KCNC4: variants seen among roughly 807,000 people sequenced by gnomAD.
The protein encoded by KCNC4 is voltage-gated potassium channel KCNC4.
In KCNC4, 23 loss-of-function variants were observed where a neutral mutation model predicts 42.8. That is an observed-to-expected ratio of 0.54 (90% CI 0.39 to 0.76). The LOEUF (loss-of-function observed/expected upper bound fraction) is 0.76. Ranked by LOEUF, KCNC4 falls within the 30% of genes least tolerant of loss-of-function variation. The probability of loss-of-function intolerance (pLI) is 0.00; values close to 1 mark genes in which losing one functional copy is unlikely to be tolerated. For missense variants in KCNC4, 751 were observed against 898.2 expected, an observed-to-expected ratio of 0.84 and a Z score of 2.10; for synonymous variants, 422 against 393.5, an observed-to-expected ratio of 1.07 and a Z score of -0.86.
At chr1:110,268,610 GAA>G (rs1177241176) in intron 1 of KCNC4, among the ~76,000 whole-genome samples, 1 of 82,066 alleles carries the variant, frequency 1.2e-5, no homozygotes, top group African/African-American at 4.5e-5. Flanking sequence ...TGTCTCAAAA[GAA>G]AAAAAAAAAA....
intron 1 of KCNC4, among the ~76,000 whole-genome samples, chr1:110,261,086 C>T (rs12145996): frequency 0.26 from 40,271 of 152,126 alleles, 5,853 homozygotes; most frequent in Non-Finnish European, 0.33. Context: ...AAAAATTAAG[C>T]ATCTAGACCA....
At chr1:110,228,096 C>T (rs974728450) in intron 3 of KCNC4, among the ~76,000 whole-genome samples, 3 of 152,180 alleles carry the variant, frequency 2.0e-5, no homozygotes, top group African/African-American at 4.8e-5. Context: ...AATGCACACT[C>T]GGCAACTTTC....
In KCNC4 at chr1:110,233,504, C is replaced by T. The variant is rs1196450543; in HGVS notation, c.*532C>T. The T allele has an allele frequency of 6.3e-6, 1 of 158,356 alleles. No individual in the cohort carries two copies. The highest frequency in any genetic ancestry group is 1.4e-5 in the Non-Finnish European group (1 of 71,688). The allele number at this position is 158,356 out of a possible 1,614,324, so 9.8% of individuals were successfully genotyped here. ...TCACTGCTTCACTAGCCGCACCCCACCCCAGATTGGGGTTCTACCTCCCAC... is the reference window on the plus strand; with the variant it reads ...TCACTGCTTCACTAGCCGCACCCCATCCCAGATTGGGGTTCTACCTCCCAC... On this transcript the variant is annotated 3_prime_UTR_variant, in exon 4 of 4. Coordinates refer to ENST00000438661, the MANE Select transcript of KCNC4 (RefSeq NM_001039574.3).
intron 1 of KCNC4, among the ~76,000 whole-genome samples, chr1:110,274,857 A>G (rs1465745056): frequency 1.3e-5 from 2 of 152,230 alleles, no homozygotes; most frequent in Non-Finnish European, 2.9e-5. Context: ...ATATACAAAA[A>G]TCAATTCAAG....
rs567074688 is a variant in KCNC4 at position 110,213,161 on chromosome 1, T to C, written c.678+984T>C. Among the ~76,000 whole-genome samples, 5 of 93,080 alleles carry C rather than the reference T, an allele frequency of 5.4e-5. No individual in the cohort carries two copies. The South Asian group carries it at 1.7e-3, about 31-fold the overall frequency. The allele number at this position is 93,080 out of a possible 152,430, so 61.1% of individuals were successfully genotyped here. On this transcript the variant is annotated intron_variant, in intron 1 of 3. Transcript: ENST00000438661. ...GGGGGAGGTGCTTCCCCCATTATGC[T>C]TCGACAGCTAAAAAAAAAAAAAAAA...
chr1:110,237,900 G>A (rs372960836), downstream of KCNC4: 17 of 152,396 alleles, frequency 1.1e-4, 1 homozygote, highest in Admixed American at 8.5e-4. Context: ...TTATTGCAGT[G>A]AGCACTTTCT....
intron 3 of KCNC4, 119 bp from the exon 4 acceptor site, chr1:110,232,792 G>A (rs952668828): frequency 6.6e-5 from 102 of 1,542,896 alleles, no homozygotes; most frequent in African/African-American, 5.5e-4. Context: ...TCCTTCTAAC[G>A]TCTCATTCTT....
intron 1 of KCNC4, among the ~76,000 whole-genome samples, chr1:110,254,199 G>T (rs1461501456): frequency 5.3e-5 from 8 of 150,806 alleles, no homozygotes; most frequent in African/African-American, 1.5e-4. Context: ...GAGATGCTTT[G>T]TCAGAAAGGA....
chr1:110,222,165 C>T (rs1027786796), intron 1 of KCNC4: 2 of 152,200 alleles, frequency 1.3e-5, no homozygotes, highest in African/African-American at 4.8e-5. Flanking sequence ...TGCCATGGTG[C>T]ATGTTGTCTG....
At position 110,213,197 on chromosome 1, in the gene KCNC4, A is replaced by AAAAAAAAT. The variant is rs869067205; in HGVS notation, c.678+1020_678+1021insAAAAAAAT. On this transcript the variant is annotated intron_variant, in intron 1 of 3. Coordinates refer to ENST00000438661, the MANE Select transcript of KCNC4 (RefSeq NM_001039574.3). ...AAAAAAAAAAAAAAAAAAAAAAAAAATCCCTGAAGGATGGCTTTAGATTCT... is the reference window on the plus strand; with the variant it reads ...AAAAAAAAAAAAAAAAAAAAAAAAAAAAAAAAATTCCCTGAAGGATGGCTTTAGATTCT... Among the ~76,000 whole-genome samples, 665 of 147,144 alleles carry AAAAAAAAT rather than the reference A, an allele frequency of 4.5e-3. 8 individuals are homozygous for AAAAAAAAT. The highest frequency in any genetic ancestry group is 6.9e-3 in the Middle Eastern group (2 of 288).
At chr1:110,275,369 G>A (rs541030539) in intron 1 of KCNC4, among the ~76,000 whole-genome samples, 19 of 152,216 alleles carry the variant, frequency 1.2e-4, no homozygotes, top group African/African-American at 4.6e-4. Context: ...ATAGATGTTG[G>A]TGAGGATGCA....
chr1:110,259,023 G>A (rs1310403497), intron 1 of KCNC4, among the ~76,000 whole-genome samples: 1 of 152,214 alleles, frequency 6.6e-6, no homozygotes, highest in Non-Finnish European at 1.5e-5. Context: ...TGGCTCTGTG[G>A]GTAAGGCTCA....
chr1:110,274,589 A>C (rs912657720), intron 1 of KCNC4, among the ~76,000 whole-genome samples: 55 of 152,218 alleles, frequency 3.6e-4, no homozygotes, highest in Non-Finnish European at 1.0e-4. Context: ...AGCTGGAGCC[A>C]TTACATTATC....
chr1:110,215,771 T>C (rs1657763654), intron 1 of KCNC4, among the ~76,000 whole-genome samples: 1 of 152,226 alleles, frequency 6.6e-6, no homozygotes, highest in African/African-American at 2.4e-5. Flanking sequence ...AACATCTGTG[T>C]ATCAGTATAC....
rs1200682584 is a variant in KCNC4, at chr1:110,211,994, C to T, written c.495C>T (p.Asp165=). The T allele has an allele frequency of 1.3e-5, 21 of 1,608,756 alleles. No homozygotes were observed. Among genetic ancestry groups the T allele is most frequent in the Middle Eastern group, 2.1e-4 (1 of 4,770 alleles). Reference sequence around the variant, plus strand: ...CGCTCGACATCTTCGAGAGCCCGGACGGAGGCGGCAGCGGCGCGGGGCCCA... The same window carrying T: ...CGCTCGACATCTTCGAGAGCCCGGATGGAGGCGGCAGCGGCGCGGGGCCCA... ...EEALDIFESP[D]GGGSGAGPSD... Residue 165 remains aspartate (D), a synonymous_variant, in exon 1 of 4, where the codon GAC becomes GAT. Transcript: ENST00000438661. This position sits in a 1 kb window ranked among gnomAD's most constrained non-coding sequence, Gnocchi z 6.5.
intron 3 of KCNC4, chr1:110,232,679 C>T: frequency 2.0e-6 from 3 of 1,471,416 alleles, no homozygotes; most frequent in Non-Finnish European, 2.7e-6. Flanking sequence ...ATTCCCTGAC[C>T]CATCCATGCT....
intron 1 of KCNC4, among the ~76,000 whole-genome samples, chr1:110,272,802 G>T (rs1659658400): frequency 6.6e-6 from 1 of 152,164 alleles, no homozygotes; most frequent in South Asian, 2.1e-4. Context: ...AATGATACTG[G>T]CTGCACTTTA....
In KCNC4 at chr1:110,212,156, C is replaced by A; in HGVS notation, c.657C>A (p.Pro219=). 1 of 1,510,238 alleles carries A rather than the reference C, an allele frequency of 6.6e-7. No homozygotes were observed. The highest frequency in any genetic ancestry group is 8.7e-7 in the Non-Finnish European group (1 of 1,146,102). The allele number at this position is 1,510,238 out of a possible 1,614,324, so 93.6% of individuals were successfully genotyped here. A position where few individuals can be genotyped will look rare whatever the true frequency, so the allele number is the denominator to read the frequency against. The change falls in exon 1 of 4, where the codon CCC becomes CCA. Residue 219 remains proline, a synonymous_variant. Coordinates refer to ENST00000438661, the MANE Select transcript of KCNC4 (RefSeq NM_001039574.3). ...QPRMWALFED[P]YSSRAARVVA... ...GCATGTGGGCGCTCTTCGAGGATCC[C>A]TACTCCTCCCGGGCCGCTAGGGTGA...
intron 1 of KCNC4, among the ~76,000 whole-genome samples, chr1:110,264,354 A>G (rs1659502517): frequency 2.0e-5 from 3 of 152,286 alleles, no homozygotes; most frequent in Non-Finnish European, 2.9e-5. Context: ...TGATTGGTTA[A>G]GGAGGCTTTG....
Sources: allele counts gnomAD v4.1 joint callset (sites outside exome capture counted in the v4.1 genomes callset), GRCh38; gene constraint gnomAD v4.1.1; non-coding constraint Gnocchi (gnomAD v3.1); transcripts MANE v1.5; gene names NCBI Gene and HGNC (gene_info 2026-07-23, HGNC 2026-07-21).